Variants in ATR observed in about 807,000 individuals in gnomAD.
The protein encoded by ATR is ATR checkpoint kinase, also known as serine/threonine-protein kinase ATR.
In ATR, 142 loss-of-function variants were observed where a neutral mutation model predicts 305.3. The observed-to-expected ratio is 0.47, with a 90% confidence interval of 0.41 to 0.53. ATR has a LOEUF of 0.53. Among genes scored for constraint, ATR ranks in the 20% least tolerant of loss-of-function variants. ATR has a pLI of 0.00. For missense variants in ATR, 2,135 were observed against 3,133.1 expected (o/e 0.68, Z 7.60); for synonymous variants, 1,050 against 1,068.1 (o/e 0.98, Z 0.33).
In ATR at chr3:142,469,391, T is replaced by G; in HGVS notation, c.6498A>C (p.Lys2166Asn). Residue 2166 changes from lysine (K) to asparagine (N), a missense_variant, in exon 38 of 47, where the codon AAA (lysine) becomes AAC (asparagine). Physicochemically the swap from Lys to Asn is moderately conservative, Grantham distance 94. Coordinates refer to ENST00000350721, the MANE Select transcript of ATR (RefSeq NM_001184.4). ...CTTGTTGAGGATAGGCTAGAAATAC[T>G]TTGGCTATTATTTCCATCAAGACAA... is the stretch of plus-strand genomic sequence containing the variant. ...VFVVLMEIIA[K>N]VFLAYPQQAM... The G allele has an allele frequency of 6.2e-7, 1 of 1,613,986 alleles. No homozygotes were observed. Among genetic ancestry groups the G allele is most frequent in the Non-Finnish European group, 8.5e-7 (1 of 1,179,956 alleles).
intron 35 of ATR, among the ~76,000 whole-genome samples, chr3:142,492,536 C>A (rs1474103196): frequency 1.3e-5 from 2 of 152,164 alleles, no homozygotes; most frequent in Non-Finnish European, 2.9e-5. Flanking sequence ...TATTTCCTTT[C>A]TTCTACTTTT....
intron 21 of ATR, among the ~76,000 whole-genome samples, chr3:142,526,299 TA>T (rs983440231): frequency 1.3e-5 from 2 of 152,126 alleles, no homozygotes; most frequent in African/African-American, 2.4e-5. Context: ...GAAATGGAGA[TA>T]ATTTTACATC....
chr3:142,501,141 A>G (rs754452091), intron 30 of ATR, among the ~76,000 whole-genome samples: 21 of 152,226 alleles, frequency 1.4e-4, no homozygotes, highest in Non-Finnish European at 2.2e-4. Flanking sequence ...ACCATGACAC[A>G]GCACCCCTTC....
At chr3:142,570,276 T>A (rs1352828739) in intron 1 of ATR, among the ~76,000 whole-genome samples, 1 of 152,266 alleles carries the variant, frequency 6.6e-6, no homozygotes, top group East Asian at 1.9e-4. Flanking sequence ...TTAATTTTGA[T>A]GAATTCCAAT....
intron 34 of ATR, 80 bp from the exon 35 acceptor site, chr3:142,493,391 T>C (rs1449661702): frequency 2.2e-6 from 3 of 1,392,126 alleles, no homozygotes; most frequent in Non-Finnish European, 2.9e-6. Flanking sequence ...GTTCATTATG[T>C]TTTTGTACAA....
Position 142,453,250 on chromosome 3 carries a change from T to C in ATR, c.7656-17A>G. The C allele has an allele frequency of 6.2e-7, 1 of 1,608,172 alleles. No homozygotes were observed. The highest frequency in any genetic ancestry group is 8.5e-7 in the Non-Finnish European group (1 of 1,174,808). ...TTTAAGACACTAAAATTGAAACAAA[T>C]ATTATGGTATGATGTTATCTTTGCA... On this transcript the variant is annotated splice_polypyrimidine_tract_variant and intron_variant, in intron 45 of 46. Coordinates refer to ENST00000350721, the MANE Select transcript of ATR (RefSeq NM_001184.4).
At chr3:142,496,960 C>T (rs2108335092) in intron 33 of ATR, 53 bp downstream of exon 33, 2 of 1,550,456 alleles carry the variant, frequency 1.3e-6, no homozygotes, top group Non-Finnish European at 1.8e-6. Flanking sequence ...AAATAATATC[C>T]AAATACCAAA....
chr3:142,480,712 C>T (rs1478025356), intron 36 of ATR, among the ~76,000 whole-genome samples: 1 of 152,204 alleles, frequency 6.6e-6, no homozygotes. Context: ...AGGCAGGCCT[C>T]CTTGAGCTGC....
At chr3:142,478,184 G>C (rs1169029883) in intron 36 of ATR, among the ~76,000 whole-genome samples, 1 of 151,856 alleles carries the variant, frequency 6.6e-6, no homozygotes, top group African/African-American at 2.4e-5. Flanking sequence ...GTGATGTTAG[G>C]GTGTCAATTT....
At chr3:142,566,835 C>T (rs115783886) in intron 2 of ATR, among the ~76,000 whole-genome samples, 4,229 of 151,818 alleles carry the variant, frequency 0.028, 177 homozygotes, top group African/African-American at 0.097. Context: ...CCTGTGCCTC[C>T]GGGGTACAAG....
At position 142,468,058 on chromosome 3, in the gene ATR, G is replaced by A. The variant is rs2108276292; in HGVS notation, c.6563C>T (p.Pro2188Leu). The change falls in exon 39 of 47, where the codon CCC becomes CTC. Residue 2188 changes from proline to leucine, a missense_variant. By Grantham distance (98) the Pro-to-Leu change is moderately conservative (BLOSUM62 -3). This residue lies in a region of ATR where 462 missense variants were observed against 887.6 expected (regional missense o/e 0.52). Transcript: ENST00000350721. The part of the protein sequence containing the change: ...MMTAVSKSSY[P>L]MRVNRCKEIL... ...TTCCTTGCATCTGTTCACACGCATGGGATAAGATGACTGTCATAAAAAAGA... is the reference window on the plus strand; with the variant it reads ...TTCCTTGCATCTGTTCACACGCATGAGATAAGATGACTGTCATAAAAAAGA... 6.2e-7 allele frequency: 1 copy of A among 1,612,092 alleles called. No homozygotes were observed. The highest frequency in any genetic ancestry group is 8.5e-7 in the Non-Finnish European group (1 of 1,179,172).
rs1479311957 is a variant in ATR, at chr3:142,466,350, C to T, written c.6871G>A (p.Ala2291Thr). The T allele has an allele frequency of 1.2e-6, 2 of 1,613,680 alleles. No individual in the cohort carries two copies. The highest frequency in any genetic ancestry group is 1.7e-6 in the Non-Finnish European group (2 of 1,179,852). ...ATATCATCAAACCCTGCAATATAGGCCCAATGTCCAGGAAATGGTTCATGG... is the reference window on the plus strand; with the variant it reads ...ATATCATCAAACCCTGCAATATAGGTCCAATGTCCAGGAAATGGTTCATGG... ...ASHEPFPGHW[A>T]YIAGFDDMVE... The change falls in exon 40 of 47, where the codon GCC (alanine) becomes ACC (threonine). Residue 2291 changes from alanine (A) to threonine (T), a missense_variant. By Grantham distance (58) the Ala-to-Thr change is moderately conservative (BLOSUM62 0). Transcript: ENST00000350721.
intron 36 of ATR, among the ~76,000 whole-genome samples, chr3:142,475,078 T>C (rs1559918229): frequency 6.6e-6 from 1 of 152,188 alleles, no homozygotes; most frequent in Non-Finnish European, 1.5e-5. Context: ...TTACAACTTA[T>C]ATACATGTTA....
At chr3:142,533,285 TA>T (rs1226277100) in intron 21 of ATR, among the ~76,000 whole-genome samples, 1 of 152,098 alleles carries the variant, frequency 6.6e-6, no homozygotes, top group African/African-American at 2.4e-5. Context: ...CCTCTAAAAG[TA>T]AATAAGTAAA....
At chr3:142,538,740 AG>A (rs1159457261) in intron 18 of ATR, 115 bp from the exon 19 acceptor site, 58 of 1,326,452 alleles carry the variant, frequency 4.4e-5, no homozygotes, top group Non-Finnish European at 5.4e-5. Context: ...ATTAAAAGGC[AG>A]CTTTAAACAT....
intron 21 of ATR, among the ~76,000 whole-genome samples, chr3:142,534,039 CT>C (rs2033760593): frequency 6.6e-6 from 1 of 152,012 alleles, no homozygotes; most frequent in Non-Finnish European, 1.5e-5. Flanking sequence ...GTGCCATCTG[CT>C]TGGAAATAAC....
rs984547423 is a variant in ATR, at chr3:142,486,721, C to A, written c.6079-1439G>T. 2.6e-5 allele frequency among the ~76,000 whole-genome samples: 4 copies of A among 151,908 alleles called. No individual in the cohort carries two copies. The East Asian group carries it at 7.7e-4, about 29-fold the overall frequency. ...GAAACATATATGAATCTTATGTATACAACTTGATCAATTATTACAAATTTA... is the reference window on the plus strand; with the variant it reads ...GAAACATATATGAATCTTATGTATAAAACTTGATCAATTATTACAAATTTA... On this transcript the variant is annotated intron_variant, in intron 35 of 46. Transcript: ENST00000350721.
At chr3:142,488,725 G>A (rs1038359834) in intron 35 of ATR, among the ~76,000 whole-genome samples, 1 of 152,030 alleles carries the variant, frequency 6.6e-6, no homozygotes, top group Non-Finnish European at 1.5e-5. Context: ...AATTAAAACT[G>A]AAAAAATGAA....
intron 35 of ATR, among the ~76,000 whole-genome samples, chr3:142,487,448 A>T (rs1273501778): frequency 6.6e-6 from 1 of 152,142 alleles, no homozygotes; most frequent in East Asian, 1.9e-4. Flanking sequence ...TACGTGTATT[A>T]TATTTTTTAT....
Sources: allele counts gnomAD v4.1 joint callset (sites outside exome capture counted in the v4.1 genomes callset), GRCh38; gene constraint gnomAD v4.1.1; regional missense constraint gnomAD v4.1.1; transcripts MANE v1.5; gene names NCBI Gene and HGNC (gene_info 2026-07-23, HGNC 2026-07-21).